The following MSH3 variants were observed in gnomAD, a reference collection of about 807,000 sequenced individuals.
MSH3 encodes DNA mismatch repair protein Msh3.
A neutral mutation model predicts 123.3 loss-of-function variants in MSH3; 106 were observed. That is an observed-to-expected ratio of 0.86 (90% CI 0.73 to 1.01). The LOEUF (loss-of-function observed/expected upper bound fraction) is 1.01, where lower values mean the gene tolerates loss of function less well. Ranked by LOEUF, MSH3 falls within the 50% of genes least tolerant of loss-of-function variation. MSH3 has a pLI of 0.00. For synonymous variants in MSH3, 515 were observed against 481.4 expected (o/e 1.07, Z -0.91); for missense variants, 1,459 against 1,347.6 (o/e 1.08, Z -1.29).
At chr5:80,746,863 C>T (rs6151753) in intron 12 of MSH3, 8,893 of 217,724 alleles carry the variant, frequency 0.041, 535 homozygotes, top group African/African-American at 0.16. Flanking sequence ...CTCATGAGAG[C>T]AGGGCGACAT....
chr5:80,823,386 C>G (rs528327956), intron 20 of MSH3, among the ~76,000 whole-genome samples: 1 of 152,294 alleles, frequency 6.6e-6, no homozygotes, highest in Admixed American at 6.5e-5. Flanking sequence ...GCAAATATCT[C>G]TTTCCTACTC....
chr5:80,780,724 G>A (rs1471082186), intron 17 of MSH3, among the ~76,000 whole-genome samples: 3 of 152,080 alleles, frequency 2.0e-5, no homozygotes, highest in South Asian at 2.1e-4. Flanking sequence ...AAAATTAGCC[G>A]GGTGTGGTGG....
At position 80,875,803 on chromosome 5, in the gene MSH3, C is replaced by T. The variant is rs1396664221; in HGVS notation, c.3355C>T (p.Leu1119=). 6 of 1,613,862 alleles carry T rather than the reference C, an allele frequency of 3.7e-6. No homozygotes were observed. The Middle Eastern group carries it at 4.9e-4, about 133-fold the overall frequency. Residue 1119 remains leucine, a synonymous_variant, in exon 24 of 24, where the codon CTG becomes TTG. Transcript: ENST00000265081. ...ATGGACGATGCATAATGCACAAGAC[C>T]TGCAGAAGTGGACAGAGGAGTTCAA... ...KLWTMHNAQD[L]QKWTEEFNME...
chr5:80,811,923 T>C (rs954163467), intron 19 of MSH3, among the ~76,000 whole-genome samples: 1 of 152,184 alleles, frequency 6.6e-6, no homozygotes. Context: ...TTTATCATTG[T>C]TTTATGACAC....
rs984248281 is a variant in MSH3, at chr5:80,773,193, C to G, written c.2254-2501C>G. On this transcript the variant is annotated intron_variant, in intron 15 of 23. Transcript: ENST00000265081. ...TATCAGTGATCCAATCAGTCTGTTC[C>G]TGAATTTTGCTGTTTGCCTTTAGCA... Among the ~76,000 whole-genome samples the G allele has an allele frequency of 5.9e-5, 9 of 152,266 alleles. No individual in the cohort carries two copies. The East Asian group carries it at 1.7e-3, about 29-fold the overall frequency.
chr5:80,707,237 T>C (rs1561450727), intron 8 of MSH3, among the ~76,000 whole-genome samples: 3 of 152,280 alleles, frequency 2.0e-5, no homozygotes, highest in African/African-American at 2.4e-5. Flanking sequence ...CACTCAGTTG[T>C]ATTGCATCAT....
chr5:80,679,102 G>A lies in MSH3; in HGVS notation c.1340+9G>A, dbSNP rs2112819250. 3.7e-6 allele frequency: 6 copies of A among 1,613,492 alleles called. No individual in the cohort carries two copies. Among genetic ancestry groups the A allele is most frequent in the Non-Finnish European group, 5.1e-6 (6 of 1,179,748 alleles). On this transcript the variant is annotated intron_variant, in intron 8 of 23. Transcript: ENST00000265081. ...AGAGCCACATCTGTTAGGTAAGTTGGCACATCACTGGAATATAATACCGAT... is the reference window on the plus strand; with the variant it reads ...AGAGCCACATCTGTTAGGTAAGTTGACACATCACTGGAATATAATACCGAT...
At chr5:80,760,657 A>AATTTGTTTAGACGG (rs1456380278) in intron 12 of MSH3, among the ~76,000 whole-genome samples, 5 of 152,236 alleles carry the variant, frequency 3.3e-5, no homozygotes, top group African/African-American at 1.2e-4. Context: ...TTCTCCGTCT[A>AATTTGTTTAGACGG]AGTGGCTTAA....
intron 13 of MSH3, among the ~76,000 whole-genome samples, chr5:80,762,790 T>TTTATGTTATGTTATGTTATG (rs747226793): frequency 1.2e-3 from 165 of 132,982 alleles, no homozygotes; most frequent in African/African-American, 3.2e-3. Flanking sequence ...TTTATTTTAT[T>TTTATGTTATGTTATGTTATG]TTATGTTATG....
Position 80,654,818 on chromosome 5 carries a change from A to G in MSH3, c.91A>G (p.Thr31Ala), listed in dbSNP as rs1212322787. 3.1e-6 allele frequency: 5 copies of G among 1,604,804 alleles called. No homozygotes were observed. Among genetic ancestry groups the G allele is most frequent in the Non-Finnish European group, 4.2e-6 (5 of 1,176,688 alleles). Reference sequence around the variant, plus strand: ...GGTTTTGAGCCGATTCTTCCAGTCTACGGGAAGCCTGAAATCCACCTCCTC... The same window carrying G: ...GGTTTTGAGCCGATTCTTCCAGTCTGCGGGAAGCCTGAAATCCACCTCCTC... ...QAVLSRFFQS[T>A]GSLKSTSSST... The change falls in exon 1 of 24, where the codon ACG (threonine) becomes GCG (alanine). Residue 31 changes from threonine to alanine, a missense_variant. Transcript: ENST00000265081.
Position 80,868,772 on chromosome 5 carries a change from T to A in MSH3, c.3130+3830T>A, listed in dbSNP as rs1173014350. Among the ~76,000 whole-genome samples the A allele has an allele frequency of 5.6e-5, 8 of 143,192 alleles. No homozygotes were observed. In the Admixed American group the frequency reaches 5.6e-4, roughly 10 times the overall value. The allele number at this position is 143,192 out of a possible 152,430, so 93.9% of individuals were successfully genotyped here. ...ACATGTACCCCTGAACTTAAAAGTT[T>A]AAAAAAAAAAACAACAACTCTATAG... is the stretch of plus-strand genomic sequence containing the variant. On this transcript the variant is annotated intron_variant, in intron 22 of 23. Transcript: ENST00000265081.
chr5:80,754,923 CAA>C (rs2112875600), intron 12 of MSH3, among the ~76,000 whole-genome samples: 1 of 152,182 alleles, frequency 6.6e-6, no homozygotes, highest in South Asian at 2.1e-4. Context: ...TTAATGAAAC[CAA>C]ATGTCACTTT....
chr5:80,676,895 G>T (rs993226375), intron 7 of MSH3, among the ~76,000 whole-genome samples: 1 of 152,182 alleles, frequency 6.6e-6, no homozygotes, highest in African/African-American at 2.4e-5. Context: ...CTTACCGCCA[G>T]AGTTAACCAT....
At chr5:80,659,768 C>T (rs1308759999) in intron 2 of MSH3, among the ~76,000 whole-genome samples, 2 of 152,146 alleles carry the variant, frequency 1.3e-5, no homozygotes, top group Non-Finnish European at 2.9e-5. Flanking sequence ...ACTCTGTACC[C>T]ATTAAACACT....
chr5:80,693,586 TAA>T (rs1342276191), intron 8 of MSH3, among the ~76,000 whole-genome samples: 1,256 of 113,534 alleles, frequency 0.011, 15 homozygotes, highest in East Asian at 0.03. Flanking sequence ...CACATGTATA[TAA>T]ATATATATAA....
At position 80,824,232 on chromosome 5, in the gene MSH3, G is replaced by A. The variant is rs561156135; in HGVS notation, c.2813+10491G>A. On this transcript the variant is annotated intron_variant, in intron 20 of 23. Transcript: ENST00000265081. Reference sequence around the variant, plus strand: ...GGGTACACCTCCCAGACGGGGTGGCGGCCGGGCAGAGGGGCTCCTCACTTC... The same window carrying A: ...GGGTACACCTCCCAGACGGGGTGGCAGCCGGGCAGAGGGGCTCCTCACTTC... 1.7e-4 allele frequency among the ~76,000 whole-genome samples: 26 copies of A among 151,972 alleles called. No individual in the cohort carries two copies. The South Asian group carries it at 4.0e-3, about 23-fold the overall frequency.
intron 6 of MSH3, among the ~76,000 whole-genome samples, chr5:80,673,494 A>G (rs982973581): frequency 9.9e-5 from 15 of 152,176 alleles, no homozygotes; most frequent in African/African-American, 3.4e-4. Flanking sequence ...ATGCCACTGC[A>G]TTCCAGCCTG....
In MSH3 at chr5:80,768,002, A is replaced by T. The variant is rs761101728; in HGVS notation, c.1966A>T (p.Ile656Leu). The change falls in exon 14 of 24, where the codon ATA becomes TTA. Residue 656 changes from isoleucine (I) to leucine (L), a missense_variant. Transcript: ENST00000265081. ...YHLKSEFQAI[I>L]PAVNSHIQSD... ...CCTAAAGTCAGAATTTCAAGCAATAATACCTGCTGTTAATTCCCACATTCA... is the reference window on the plus strand; with the variant it reads ...CCTAAAGTCAGAATTTCAAGCAATATTACCTGCTGTTAATTCCCACATTCA... 6.2e-7 allele frequency: 1 copy of T among 1,613,654 alleles called. No homozygotes were observed. The highest frequency in any genetic ancestry group is 1.3e-5 in the African/African-American group (1 of 75,010).
At chr5:80,656,275 G>A (rs1749281127) in intron 1 of MSH3, 136 bp from the exon 2 acceptor site, 2 of 1,185,668 alleles carry the variant, frequency 1.7e-6, no homozygotes, top group Non-Finnish European at 2.5e-6. Context: ...GTTTTCCAGA[G>A]CTAAAAGTAG....
Sources: gnomAD v4.1 joint callset for allele counts (sites outside exome capture counted in the v4.1 genomes callset) on GRCh38, gnomAD v4.1.1 for gene constraint, MANE v1.5 for transcripts, NCBI Gene and HGNC (gene_info 2026-07-23, HGNC 2026-07-21) for gene names.